The following DGKH variants were observed in gnomAD, a reference collection of about 807,000 sequenced individuals.
The protein encoded by DGKH is DAG kinase eta.
In DGKH, 90 loss-of-function variants were observed where a neutral mutation model predicts 159.3. The observed-to-expected ratio is 0.57, with a 90% CI of 0.48 to 0.67. The LOEUF (loss-of-function observed/expected upper bound fraction) is 0.67. Ranked by LOEUF, DGKH falls within the 30% of genes least tolerant of loss-of-function variation. DGKH has a pLI of 0.00. For missense variants in DGKH, 1,181 were observed against 1,506.1 expected (o/e 0.78, Z 3.57); for synonymous variants, 536 against 553.8 (o/e 0.97, Z 0.45).
chr13:42,188,906 G>A, intron 14 of DGKH, 130 bp from the exon 15 acceptor site: 1 of 1,016,066 alleles, frequency 9.8e-7, no homozygotes, highest in South Asian at 1.9e-5. Context: ...CAAAATTAAA[G>A]GTGAGAATTT....
rs114750801 is a variant in DGKH, at chr13:42,094,031, T to G, written c.193-33432T>G. On this transcript the variant is annotated intron_variant, in intron 1 of 29. Transcript: ENST00000337343. Reference sequence around the variant, plus strand: ...GTATTTTCCCTCAATAAAAAAAACTTGCAGAAATTGTATAACAATGATGTC... The same window carrying G: ...GTATTTTCCCTCAATAAAAAAAACTGGCAGAAATTGTATAACAATGATGTC... Among the ~76,000 whole-genome samples, 1,391 of 147,210 alleles carry G rather than the reference T, an allele frequency of 9.4e-3. 20 individuals are homozygous for G. The highest frequency in any genetic ancestry group is 0.031 in the African/African-American group (1,247 of 39,590).
downstream of DGKH, among the ~76,000 whole-genome samples, chr13:42,244,786 C>T (rs1958565068): frequency 6.7e-6 from 1 of 149,866 alleles, no homozygotes; most frequent in African/African-American, 2.4e-5. Context: ...CGCCTGTAGT[C>T]CCAGCTACTT....
intron 1 of DGKH, among the ~76,000 whole-genome samples, chr13:42,060,637 G>T (rs1882086451): frequency 6.6e-6 from 1 of 152,168 alleles, no homozygotes; most frequent in African/African-American, 2.4e-5. Flanking sequence ...TTTAGTGCCT[G>T]CTATGGCCAG....
chr13:42,048,563 C>T (rs561145286), upstream of DGKH, among the ~76,000 whole-genome samples: 2 of 152,284 alleles, frequency 1.3e-5, no homozygotes, highest in South Asian at 4.1e-4. This position sits in a 1 kb window ranked among gnomAD's most constrained non-coding sequence, Gnocchi z 6.7. Context: ...GCCGCCGCTC[C>T]GGCGGGAACC....
chr13:42,190,898 T>C (rs1957046974), intron 16 of DGKH, among the ~76,000 whole-genome samples: 1 of 152,178 alleles, frequency 6.6e-6, no homozygotes, highest in Non-Finnish European at 1.5e-5. Flanking sequence ...GCTGCAGCTC[T>C]CCTAACGCTC....
At chr13:42,053,043 C>T (rs1208271584) in intron 1 of DGKH, among the ~76,000 whole-genome samples, 2 of 152,076 alleles carry the variant, frequency 1.3e-5, no homozygotes, top group Non-Finnish European at 2.9e-5. Context: ...TTTGCATCAA[C>T]ATTTTATCTA....
chr13:42,159,241 G>A, intron 5 of DGKH, 25 bp from the exon 6 acceptor site: 1 of 188,616 alleles, frequency 5.3e-6, no homozygotes, highest in South Asian at 5.3e-5. Context: ...AAAAGCAGTT[G>A]CTCTTTTTTT....
intron 1 of DGKH, among the ~76,000 whole-genome samples, chr13:42,112,464 T>C (rs1337437395): frequency 6.6e-6 from 1 of 152,118 alleles, no homozygotes; most frequent in Non-Finnish European, 1.5e-5. Flanking sequence ...GCTTTGGAAC[T>C]CTGTTTCACA....
intron 21 of DGKH, among the ~76,000 whole-genome samples, chr13:42,206,752 G>C (rs781521541): frequency 3.3e-5 from 5 of 152,076 alleles, no homozygotes; most frequent in Non-Finnish European, 7.4e-5. Flanking sequence ...GATGTCTGCT[G>C]CTTCCTCTTC....
chr13:42,053,400 GTA>G (rs950533328), intron 1 of DGKH, among the ~76,000 whole-genome samples: 2 of 145,838 alleles, frequency 1.4e-5, no homozygotes, highest in African/African-American at 2.5e-5. Context: ...ATATGTAACT[GTA>G]TATATATAAC....
At chr13:42,100,688 C>T (rs2137772888) in intron 1 of DGKH, among the ~76,000 whole-genome samples, 1 of 152,282 alleles carries the variant, frequency 6.6e-6, no homozygotes, top group East Asian at 1.9e-4. Flanking sequence ...CTCATTTACA[C>T]ATTTTGTATA....
intron 21 of DGKH, among the ~76,000 whole-genome samples, chr13:42,206,921 G>A (rs1035370333): frequency 1.3e-5 from 2 of 151,214 alleles, no homozygotes; most frequent in Admixed American, 6.6e-5. Flanking sequence ...ACATTTTAGG[G>A]GGCAGAGAGG....
intron 1 of DGKH, among the ~76,000 whole-genome samples, chr13:42,096,853 T>C (rs371207928): frequency 6.6e-6 from 1 of 152,140 alleles, no homozygotes; most frequent in Non-Finnish European, 1.5e-5. Flanking sequence ...AGTTTGATCA[T>C]ATGGGAAGAA....
intron 1 of DGKH, among the ~76,000 whole-genome samples, chr13:42,124,573 C>T (rs1348672840): frequency 6.6e-6 from 1 of 152,058 alleles, no homozygotes; most frequent in Non-Finnish European, 1.5e-5. Flanking sequence ...ATTCCTGCTA[C>T]AGTCAGTGGT....
At chr13:42,099,345 C>G (rs180924811) in intron 1 of DGKH, among the ~76,000 whole-genome samples, 4 of 152,020 alleles carry the variant, frequency 2.6e-5, no homozygotes, top group Non-Finnish European at 4.4e-5. Flanking sequence ...GTGCAGAGTG[C>G]GGGGCTGAAT....
chr13:42,187,078 T>C lies in DGKH; in HGVS notation c.1568T>C (p.Val523Ala). 6.2e-7 allele frequency: 1 copy of C among 1,614,134 alleles called. No homozygotes were observed. Among genetic ancestry groups the C allele is most frequent in the Non-Finnish European group, 8.5e-7 (1 of 1,179,984 alleles). The change falls in exon 14 of 30, where the codon GTT (valine) becomes GCT (alanine). Residue 523 changes from valine to alanine, a missense_variant. Physicochemically the swap from Val to Ala is moderately conservative, Grantham distance 64. This residue lies in a region of DGKH where 257 missense variants were observed against 281.5 expected (regional missense o/e 0.91). Coordinates refer to ENST00000337343, the MANE Select transcript of DGKH (RefSeq NM_178009.5). ...KTLCETVKDF[V>A]AKVEKTYDKT... is the part of the protein sequence containing the mutation. The stretch of plus-strand genomic sequence containing the variant: ...CTATGTGAAACTGTAAAGGACTTCG[T>C]TGCCAAAGTAGAAAAGACGTATGAC...
At chr13:42,040,314 C>T (rs1266305772) in intron 1 of DGKH, among the ~76,000 whole-genome samples, 1 of 152,150 alleles carries the variant, frequency 6.6e-6, no homozygotes, top group Non-Finnish European at 1.5e-5. Context: ...GCGCGGTGGC[C>T]AGCCTAGCCC....
intron 24 of DGKH, among the ~76,000 whole-genome samples, chr13:42,213,959 C>T (rs145814462): frequency 2.0e-3 from 303 of 152,324 alleles, no homozygotes; most frequent in Middle Eastern, 6.8e-3. Flanking sequence ...CCTGGCTCTA[C>T]GATTTACTGG....
chr13:42,165,102 C>A (rs916971590), intron 7 of DGKH, among the ~76,000 whole-genome samples: 3 of 152,010 alleles, frequency 2.0e-5, no homozygotes, highest in Non-Finnish European at 2.9e-5. Flanking sequence ...ACTATATATT[C>A]CTCTCTGAGA....
Sources: allele counts gnomAD v4.1 joint callset (sites outside exome capture counted in the v4.1 genomes callset), GRCh38; gene constraint gnomAD v4.1.1; regional missense constraint gnomAD v4.1.1; non-coding constraint Gnocchi (gnomAD v3.1); transcripts MANE v1.5; gene names NCBI Gene and HGNC (gene_info 2026-07-23, HGNC 2026-07-21).